ERBB4: variants seen among roughly 807,000 people sequenced by gnomAD.
ERBB4 encodes the protein receptor tyrosine-protein kinase erbB-4.
ERBB4 carries 42 observed loss-of-function variants against 158.0 expected under a neutral mutation model. The observed-to-expected ratio is 0.27, with a 90% CI of 0.21 to 0.34. ERBB4 has a LOEUF of 0.34. ERBB4 is among the 10% of genes least tolerant of loss of function. ERBB4 has a pLI of 1.00. For synonymous variants in ERBB4, 583 were observed against 558.7 expected, an observed-to-expected ratio of 1.04 and a Z score of -0.61; for missense variants, 1,333 against 1,624.1, an observed-to-expected ratio of 0.82 and a Z score of 3.08.
At chr2:211,831,061 G>A (rs543869474) in intron 3 of ERBB4, among the ~76,000 whole-genome samples, 1 of 151,898 alleles carries the variant, frequency 6.6e-6, no homozygotes, top group African/African-American at 2.4e-5. Flanking sequence ...AATACAGAGG[G>A]ATAGAAAGAA....
At chr2:212,333,693 C>CA (rs11312810) in intron 1 of ERBB4, among the ~76,000 whole-genome samples, 2,943 of 147,508 alleles carry the variant, frequency 0.02, 93 homozygotes, top group African/African-American at 0.07. Context: ...GATTCTGTAC[C>CA]AAAAAAAAAA....
chr2:211,518,423 A>G (rs371005077), intron 20 of ERBB4, among the ~76,000 whole-genome samples: 38 of 152,244 alleles, frequency 2.5e-4, no homozygotes, highest in African/African-American at 8.4e-4. Context: ...TGGGAGGCCA[A>G]GGCGGGCAGA....
rs2106003416 is a variant in ERBB4 at position 212,237,851 on chromosome 2, A to G, written c.83-112948T>C. On this transcript the variant is annotated intron_variant, in intron 1 of 27. Coordinates refer to ENST00000342788, the MANE Select transcript of ERBB4 (RefSeq NM_005235.3). ...CTGCAGAGGACTGTGCCCAGTTCGA[A>G]CTTCCAAGTGGCTTTGTTTACACTG... Among the ~76,000 whole-genome samples, 4 of 152,278 alleles carry G rather than the reference A, an allele frequency of 2.6e-5. No homozygotes were observed. The South Asian group carries it at 8.3e-4, about 32-fold the overall frequency.
intron 3 of ERBB4, among the ~76,000 whole-genome samples, chr2:211,846,052 G>GTGT (rs1553644348): frequency 6.9e-6 from 1 of 145,666 alleles, no homozygotes; most frequent in Non-Finnish European, 1.5e-5. Flanking sequence ...GTTAATTGTT[G>GTGT]TTTTTTTTTT....
intron 19 of ERBB4, among the ~76,000 whole-genome samples, chr2:211,584,034 T>A (rs7602757): frequency 6.9e-6 from 1 of 145,182 alleles, no homozygotes; most frequent in African/African-American, 2.6e-5. Context: ...ACTAGATGCT[T>A]TCATTTCCCC....
At position 212,286,594 on chromosome 2, in the gene ERBB4, C is replaced by CTTGTTTTTTTTTTTT. The variant is rs760466245; in HGVS notation, c.83-161692_83-161691insAAAAAAAAAAAACAA. On this transcript the variant is annotated intron_variant, in intron 1 of 27. Transcript: ENST00000342788. ...AATGAGATGATTACATAAGTGCTGA[C>CTTGTTTTTTTTTTTT]TTTTTTTTTTTTTTTTTTTTTTTTT... Among the ~76,000 whole-genome samples, 35 of 55,466 alleles carry CTTGTTTTTTTTTTTT rather than the reference C, an allele frequency of 6.3e-4. 1 individual carries two copies. Among genetic ancestry groups the CTTGTTTTTTTTTTTT allele is most frequent in the African/African-American group, 1.7e-3 (29 of 17,196 alleles). The allele number at this position is 55,466 out of a possible 152,430, so 36.4% of individuals were successfully genotyped here. A position where few individuals can be genotyped will look rare whatever the true frequency, so the allele number is the denominator to read the frequency against.
chr2:212,103,617 C>T (rs1168562444), intron 2 of ERBB4, among the ~76,000 whole-genome samples: 4 of 151,912 alleles, frequency 2.6e-5, no homozygotes, highest in Admixed American at 2.6e-4. Context: ...GGAGGACATA[C>T]ACCAAATTTT....
chr2:211,928,566 A>T (rs1450439239), intron 3 of ERBB4, among the ~76,000 whole-genome samples: 1 of 152,186 alleles, frequency 6.6e-6, no homozygotes, highest in Non-Finnish European at 1.5e-5. Context: ...TCCTGGGAGG[A>T]AGAAAGAGCA....
chr2:211,487,845 T>A (rs2065244132), intron 20 of ERBB4, among the ~76,000 whole-genome samples: 1 of 152,008 alleles, frequency 6.6e-6, no homozygotes, highest in Non-Finnish European at 1.5e-5. Flanking sequence ...GCCAGAGTAA[T>A]TAGCTGGTGT....
intron 2 of ERBB4, among the ~76,000 whole-genome samples, chr2:211,984,662 G>A (rs1472991056): frequency 6.6e-6 from 1 of 152,068 alleles, no homozygotes; most frequent in Non-Finnish European, 1.5e-5. Flanking sequence ...AAAAAAAAAT[G>A]AAGAATAATG....
Position 212,306,430 on chromosome 2 carries a change from G to A in ERBB4, c.83-181527C>T, listed in dbSNP as rs56345015. ...GATGGTTGCTTTGCTAGAACAGTCAGCCATGGACACTCTTTTGCCCCTTTG... is the reference window on the plus strand; with the variant it reads ...GATGGTTGCTTTGCTAGAACAGTCAACCATGGACACTCTTTTGCCCCTTTG... On this transcript the variant is annotated intron_variant, in intron 1 of 27. Coordinates refer to ENST00000342788, the MANE Select transcript of ERBB4 (RefSeq NM_005235.3). Among the ~76,000 whole-genome samples, 880 of 151,508 alleles carry A rather than the reference G, an allele frequency of 5.8e-3. 3 individuals are homozygous for A. The highest frequency in any genetic ancestry group is 6.8e-3 in the Middle Eastern group (2 of 294).
chr2:211,972,433 C>T (rs1163977659), intron 2 of ERBB4, among the ~76,000 whole-genome samples: 5 of 152,142 alleles, frequency 3.3e-5, no homozygotes, highest in Admixed American at 3.3e-4. Context: ...CAAATAAGAC[C>T]TGCATAGCCA....
intron 3 of ERBB4, among the ~76,000 whole-genome samples, chr2:211,882,526 G>A (rs2078691701): frequency 6.6e-6 from 1 of 152,038 alleles, no homozygotes; most frequent in South Asian, 2.1e-4. Flanking sequence ...AGTGAGGTTT[G>A]TTCTCATTTC....
intron 16 of ERBB4, among the ~76,000 whole-genome samples, chr2:211,652,282 C>T (rs2071018848): frequency 6.6e-6 from 1 of 152,158 alleles, no homozygotes; most frequent in African/African-American, 2.4e-5. Flanking sequence ...CTCTCCTTCA[C>T]CTCTTCAAAC....
chr2:211,782,287 A>G (rs565682817), intron 4 of ERBB4, among the ~76,000 whole-genome samples: 1 of 152,210 alleles, frequency 6.6e-6, no homozygotes, highest in South Asian at 2.1e-4. Context: ...GCACTGTTCT[A>G]TGGAAGAAAC....
At chr2:211,557,889 T>A (rs2067281941) in intron 20 of ERBB4, among the ~76,000 whole-genome samples, 1 of 152,146 alleles carries the variant, frequency 6.6e-6, no homozygotes, top group Non-Finnish European at 1.5e-5. Context: ...AATGGTAGAC[T>A]GGATAAATAA....
intron 1 of ERBB4, among the ~76,000 whole-genome samples, chr2:212,171,744 C>T (rs535225468): frequency 5.9e-5 from 9 of 152,246 alleles, no homozygotes; most frequent in Non-Finnish European, 1.2e-4. Flanking sequence ...CACGCCTCTT[C>T]GCCTTCCACC....
intron 25 of ERBB4, among the ~76,000 whole-genome samples, chr2:211,400,970 AATTGTCAAAATG>A (rs2063029509): frequency 6.6e-6 from 1 of 152,138 alleles, no homozygotes; most frequent in African/African-American, 2.4e-5. Flanking sequence ...AATTTGAAAC[AATTGTCAAAATG>A]ATTGCTGTCA....
At chr2:212,282,701 CCACTGAAG>C (rs1336002838) in intron 1 of ERBB4, among the ~76,000 whole-genome samples, 2 of 151,820 alleles carry the variant, frequency 1.3e-5, no homozygotes, top group African/African-American at 4.8e-5. Context: ...TGCCCCAAAC[CCACTGAAG>C]CAGAATCTCC....
Sources: allele counts gnomAD v4.1 joint callset (sites outside exome capture counted in the v4.1 genomes callset), GRCh38; gene constraint gnomAD v4.1.1; transcripts MANE v1.5; gene names NCBI Gene and HGNC (gene_info 2026-07-23, HGNC 2026-07-21).